The following KCNT2 variants were observed in gnomAD, a reference collection of about 807,000 sequenced individuals.
KCNT2 encodes potassium channel subfamily T member 2.
In KCNT2, 67 loss-of-function variants were observed where a neutral mutation model predicts 153.8. The observed-to-expected ratio is 0.44, with a 90% CI of 0.36 to 0.53. KCNT2 has a LOEUF of 0.53. Among genes scored for constraint, KCNT2 ranks in the 20% least tolerant of loss-of-function variants. The pLI is 0.00. For synonymous variants in KCNT2, 500 were observed against 458.8 expected (o/e 1.09, Z -1.15); for missense variants, 975 against 1,354.8 (o/e 0.72, Z 4.40).
intron 25 of KCNT2, among the ~76,000 whole-genome samples, chr1:196,261,881 T>G (rs1356248014): frequency 2.0e-5 from 3 of 151,774 alleles, no homozygotes; most frequent in Non-Finnish European, 4.4e-5. Context: ...ATGACGAAAA[T>G]ACATTTGCAT....
At chr1:196,490,811 G>A (rs1233640097) in intron 2 of KCNT2, among the ~76,000 whole-genome samples, 3 of 151,356 alleles carry the variant, frequency 2.0e-5, no homozygotes, top group Admixed American at 6.6e-5. Flanking sequence ...ATTACTTTAC[G>A]ATATCTGATT....
At chr1:196,420,331 G>A (rs570869226) in intron 12 of KCNT2, among the ~76,000 whole-genome samples, 11 of 151,720 alleles carry the variant, frequency 7.3e-5, no homozygotes, top group Admixed American at 5.3e-4. Flanking sequence ...AGAACTATAT[G>A]GTATTGTTTG....
At chr1:196,585,533 G>T (rs1662572450) in intron 1 of KCNT2, among the ~76,000 whole-genome samples, 2 of 152,018 alleles carry the variant, frequency 1.3e-5, no homozygotes, top group Admixed American at 1.3e-4. Context: ...CAAATAAATG[G>T]AATGGATGGG....
chr1:196,298,706 A>G (rs1403357666), intron 22 of KCNT2, among the ~76,000 whole-genome samples: 2 of 151,244 alleles, frequency 1.3e-5, no homozygotes, highest in Non-Finnish European at 2.9e-5. Context: ...GGTAAAGGCT[A>G]AAAGTGTCAA....
chr1:196,299,183 C>A (rs1660951241), intron 22 of KCNT2, among the ~76,000 whole-genome samples: 1 of 151,854 alleles, frequency 6.6e-6, no homozygotes, highest in Admixed American at 6.6e-5. Context: ...TTGTTGTTTT[C>A]TTTTCCATTT....
intron 14 of KCNT2, among the ~76,000 whole-genome samples, chr1:196,356,634 C>T (rs1306631063): frequency 1.3e-5 from 2 of 151,786 alleles, no homozygotes; most frequent in Non-Finnish European, 2.9e-5. Context: ...TATTGACCTC[C>T]TCCTGTAAGA....
chr1:196,333,786 A>G, intron 17 of KCNT2, 61 bp downstream of exon 17: 1 of 985,718 alleles, frequency 1.0e-6, no homozygotes, highest in Non-Finnish European at 1.6e-6. Context: ...ATGTAAAGAA[A>G]ATACTTAAGG....
At chr1:196,483,933 T>C (rs1247668836) in intron 3 of KCNT2, among the ~76,000 whole-genome samples, 1 of 152,142 alleles carries the variant, frequency 6.6e-6, no homozygotes, top group Non-Finnish European at 1.5e-5. Context: ...GTATAACTTA[T>C]GGATTCATTA....
At chr1:196,587,384 A>G (rs1662813380) in intron 1 of KCNT2, among the ~76,000 whole-genome samples, 2 of 152,056 alleles carry the variant, frequency 1.3e-5, no homozygotes, top group African/African-American at 4.8e-5. Flanking sequence ...AAGAGGGACC[A>G]AACTCATCAG....
chr1:196,547,541 C>T (rs1657270235), intron 1 of KCNT2, among the ~76,000 whole-genome samples: 1 of 151,946 alleles, frequency 6.6e-6, no homozygotes, highest in African/African-American at 2.4e-5. Flanking sequence ...CTTTCAATTT[C>T]ACTTAAGTTT....
intron 15 of KCNT2, among the ~76,000 whole-genome samples, chr1:196,341,732 A>T (rs1665655345): frequency 6.6e-6 from 1 of 152,012 alleles, no homozygotes; most frequent in African/African-American, 2.4e-5. Context: ...CAGTTTTTAG[A>T]AATATTAGTG....
chr1:196,544,857 G>C (rs1167952060), intron 1 of KCNT2, among the ~76,000 whole-genome samples: 2 of 152,058 alleles, frequency 1.3e-5, no homozygotes, highest in East Asian at 3.9e-4. Flanking sequence ...TAGTACAAAT[G>C]ATGTCTCCTG....
rs569086853 is a variant in KCNT2, at chr1:196,334,011, G to T, written c.1833C>A (p.Gly611=). 2.5e-6 allele frequency: 4 copies of T among 1,613,224 alleles called. No individual in the cohort carries two copies. The Admixed American group carries it at 6.7e-5, about 27-fold the overall frequency. Residue 611 remains glycine (G), a synonymous_variant, in exon 17 of 28, where the codon GGC becomes GGA. Coordinates refer to ENST00000294725, the MANE Select transcript of KCNT2 (RefSeq NM_198503.5). ...CCTCTGTAGGAAGAGACAGGGTAGG[G>T]CCACTTGCTGATCTACAGCTTGTAT... is the stretch of plus-strand genomic sequence containing the variant. ...LQDTSCRSAS[G]PTLSLPTEGS... is the part of the protein sequence containing the mutation.
chr1:196,394,673 C>T (rs1204442147), intron 13 of KCNT2, among the ~76,000 whole-genome samples: 1 of 151,182 alleles, frequency 6.6e-6, no homozygotes, highest in African/African-American at 2.4e-5. Context: ...AGATGAGATC[C>T]TCTAAGAAAA....
intron 1 of KCNT2, among the ~76,000 whole-genome samples, chr1:196,585,850 T>G (rs940306603): frequency 2.6e-5 from 4 of 152,168 alleles, no homozygotes; most frequent in African/African-American, 9.7e-5. Flanking sequence ...TACTTTCAAG[T>G]ACTTTAGTTT....
chr1:196,494,458 G>A (rs1200518019), intron 1 of KCNT2, among the ~76,000 whole-genome samples: 1 of 152,004 alleles, frequency 6.6e-6, no homozygotes, highest in Non-Finnish European at 1.5e-5. Context: ...GGAGTGCAGT[G>A]GCGCGATCTC....
At chr1:196,270,345 A>G (rs2477556) in intron 25 of KCNT2, among the ~76,000 whole-genome samples, 126,111 of 151,920 alleles carry the variant, frequency 0.83, 53,499 homozygotes, top group East Asian at 0.97. Context: ...TGTAACCAAA[A>G]GGTTCATTTT....
At position 196,570,067 on chromosome 1, in the gene KCNT2, T is replaced by TAAAAAAAAAAAAAA. The variant is rs199836975; in HGVS notation, c.95+38134_95+38147dup. On this transcript the variant is annotated intron_variant, in intron 1 of 27. Transcript: ENST00000294725. Reference sequence around the variant, plus strand: ...TGAGTCCAGGAAGCTTGAGCTAGAGTAAAAAAAAAAAAAAAAAAAAAAAAA... The same window carrying TAAAAAAAAAAAAAA: ...TGAGTCCAGGAAGCTTGAGCTAGAGTAAAAAAAAAAAAAAAAAAAAAAAAAAAAAAAAAAAAAAA... Among the ~76,000 whole-genome samples, 176 of 133,692 alleles carry TAAAAAAAAAAAAAA rather than the reference T, an allele frequency of 1.3e-3. 7 individuals carry two copies. Among genetic ancestry groups the TAAAAAAAAAAAAAA allele is most frequent in the South Asian group, 4.2e-3 (19 of 4,498 alleles). 87.7% of individuals were successfully genotyped at this position (133,692 alleles called of 152,430 possible). A position where few individuals can be genotyped will look rare whatever the true frequency, so the allele number is the denominator to read the frequency against.
chr1:196,335,114 G>T (rs760220673), intron 16 of KCNT2, among the ~76,000 whole-genome samples: 1 of 152,044 alleles, frequency 6.6e-6, no homozygotes, highest in Non-Finnish European at 1.5e-5. Flanking sequence ...AGAAAATAAC[G>T]ATGAAAGGCA....
Sources: allele counts gnomAD v4.1 joint callset (sites outside exome capture counted in the v4.1 genomes callset), GRCh38; gene constraint gnomAD v4.1.1; transcripts MANE v1.5; gene names NCBI Gene and HGNC (gene_info 2026-07-23, HGNC 2026-07-21).